ABCA6: variants seen among roughly 807,000 people sequenced by gnomAD.
ABCA6 encodes the protein ATP binding cassette subfamily A member 6.
Under a neutral mutation model 191.2 loss-of-function variants are expected in ABCA6, and 164 were observed. That is an observed-to-expected ratio of 0.86 (90% confidence interval 0.76 to 0.98). ABCA6 has a LOEUF of 0.98. Among genes scored for constraint, ABCA6 ranks in the 50% least tolerant of loss-of-function variants. ABCA6 has a pLI of 0.00. For missense variants in ABCA6, 1,958 were observed against 1,894.1 expected, an observed-to-expected ratio of 1.03 and a Z score of -0.63; for synonymous variants, 636 against 647.7, an observed-to-expected ratio of 0.98 and a Z score of 0.27.
In ABCA6 at chr17:69,085,085, T is replaced by TC; in HGVS notation, c.4126dup (p.Glu1376GlyfsTer29). 3 of 1,613,720 alleles carry TC rather than the reference T, an allele frequency of 1.9e-6. No homozygotes were observed. Among genetic ancestry groups the TC allele is most frequent in the Non-Finnish European group, 2.5e-6 (3 of 1,179,866 alleles). ...GAGCCCCTTGACGGCAGCATACACC[T>TC]CCAGGTGTTCCCTCAACGTCAGCAT... On this transcript the variant is annotated frameshift_variant, in exon 32 of 39. Transcript: ENST00000284425. LOFTEE classifies it high-confidence loss of function.
At chr17:69,108,933 A>G (rs530287436) in intron 17 of ABCA6, 3 of 152,226 alleles carry the variant, frequency 2.0e-5, no homozygotes, top group South Asian at 2.1e-4. Flanking sequence ...GTACCAACAT[A>G]TAATTCCTTA....
chr17:69,137,542 A>G, intron 2 of ABCA6, 42 bp from the exon 3 acceptor site: 5 of 1,567,054 alleles, frequency 3.2e-6, no homozygotes, highest in Non-Finnish European at 4.4e-6. Flanking sequence ...TTAAGGTTGC[A>G]TTCACTTAAA....
At chr17:69,116,406 T>C (rs1321927064) in intron 11 of ABCA6, among the ~76,000 whole-genome samples, 1 of 152,172 alleles carries the variant, frequency 6.6e-6, no homozygotes, top group East Asian at 1.9e-4. Flanking sequence ...TCATTATTAT[T>C]CATTATGTAT....
intron 12 of ABCA6, 57 bp downstream of exon 12, chr17:69,115,319 G>T: frequency 7.7e-7 from 1 of 1,297,204 alleles, no homozygotes; most frequent in Non-Finnish European, 1.1e-6. Context: ...AGAGGCATAT[G>T]CTTGACCTCA....
In ABCA6 at chr17:69,134,656, T is replaced by A. The variant is rs2073920421; in HGVS notation, c.547A>T (p.Asn183Tyr). The change falls in exon 5 of 39, where the codon AAT (asparagine) becomes TAT (tyrosine). Residue 183 changes from asparagine to tyrosine, a missense_variant. Asn to Tyr is a moderately radical substitution (Grantham distance 143). Transcript: ENST00000284425. ...GCACTTACTTCTATAATGGCAGTAT[T>A]AATAGCTGTTTGTAAAGCCACAAAT... is the stretch of plus-strand genomic sequence containing the variant. The part of the protein sequence containing the change: ...RGFVALQTAI[N>Y]TAIIEITTNH... 6.2e-7 allele frequency: 1 copy of A among 1,612,870 alleles called. No homozygotes were observed. Among genetic ancestry groups the A allele is most frequent in the Non-Finnish European group, 8.5e-7 (1 of 1,179,370 alleles).
rs771622524 is a variant in ABCA6, at chr17:69,133,709, A to G, written c.723T>C (p.Asn241=). The G allele has an allele frequency of 6.2e-7, 1 of 1,611,422 alleles. No individual in the cohort carries two copies. Among genetic ancestry groups the G allele is most frequent in the Admixed American group, 1.7e-5 (1 of 59,926 alleles). The change falls in exon 6 of 39, where the codon AAT becomes AAC. Residue 241 remains asparagine (N), a synonymous_variant. Coordinates refer to ENST00000284425, the MANE Select transcript of ABCA6 (RefSeq NM_080284.3). ...TAGACTTTTTTCTCTCTTTTGTTAC[A>G]TTGAGTGATATAAAATATACAAGTG... ...FSPLVYFISL[N]VTKERKKSKN...
chr17:69,096,922 TA>T (rs937508145), intron 23 of ABCA6, 121 bp from the exon 24 acceptor site: 83 of 827,970 alleles, frequency 1.0e-4, no homozygotes, highest in South Asian at 1.3e-4. Context: ...CTTCTAATAT[TA>T]AAAAAAATTA....
chr17:69,089,148 C>A (rs1158367279), intron 27 of ABCA6, among the ~76,000 whole-genome samples: 15 of 152,120 alleles, frequency 9.9e-5, no homozygotes, highest in Admixed American at 8.5e-4. Flanking sequence ...TCAGTTCTTG[C>A]CTTTTTAATC....
chr17:69,091,228 T>C lies in ABCA6; in HGVS notation c.3443A>G (p.Asn1148Ser). 6.2e-7 allele frequency: 1 copy of C among 1,611,902 alleles called. No homozygotes were observed. The highest frequency in any genetic ancestry group is 8.5e-7 in the Non-Finnish European group (1 of 1,179,450). Residue 1148 changes from asparagine (N) to serine (S), a missense_variant, in exon 26 of 39, where the codon AAT becomes AGT. Transcript: ENST00000284425. Reference protein sequence around the residue: ...STIMFSITLINHFDLSILITT... With the variant: ...STIMFSITLISHFDLSILITT... ...AATCAATATACTTAGGTCAAAATGA[T>C]TGATTAAAGTGATGGAAAACATGAT...
At position 69,133,757 on chromosome 17, in the gene ABCA6, T is replaced by C; in HGVS notation, c.675A>G (p.Leu225=). Residue 225 remains leucine, a synonymous_variant, in exon 6 of 39, where the codon TTA becomes TTG. Coordinates refer to ENST00000284425, the MANE Select transcript of ABCA6 (RefSeq NM_080284.3). ...GTGGGGAGAAATGAAGCAAGAAGAA[T>C]AAAATAAACATCTCATTGTGAAGAA... ...KNLLHNEMFI[L]FFLLHFSPLV... is the part of the protein sequence containing the mutation. 3.1e-6 allele frequency: 5 copies of C among 1,611,622 alleles called. No homozygotes were observed. The highest frequency in any genetic ancestry group is 4.2e-6 in the Non-Finnish European group (5 of 1,178,080).
At chr17:69,128,024 C>T (rs2073784722) in intron 8 of ABCA6, among the ~76,000 whole-genome samples, 1 of 152,010 alleles carries the variant, frequency 6.6e-6, no homozygotes, top group African/African-American at 2.4e-5. Context: ...CAACATCACT[C>T]CTATGAAGTT....
At chr17:69,134,604 C>A (rs747420828) in intron 5 of ABCA6, 35 bp downstream of exon 5, 2 of 1,484,168 alleles carry the variant, frequency 1.3e-6, no homozygotes, top group East Asian at 2.3e-5. Context: ...AAGTAGCTGA[C>A]ATTAATTAGT....
Position 69,136,224 on chromosome 17 carries a change from T to G in ABCA6, c.328A>C (p.Lys110Gln). The G allele has an allele frequency of 6.3e-7, 1 of 1,581,556 alleles. No individual in the cohort carries two copies. The highest frequency in any genetic ancestry group is 8.6e-7 in the Non-Finnish European group (1 of 1,164,092). Residue 110 changes from lysine to glutamine, a missense_variant, in exon 4 of 39, where the codon AAA becomes CAA. By Grantham distance (53) the Lys-to-Gln change is moderately conservative. Coordinates refer to ENST00000284425, the MANE Select transcript of ABCA6 (RefSeq NM_080284.3). Reference sequence around the variant, plus strand: ...AGAAGTATTTCGTCCATGTGTGTTTTATTTGGTGCCCCAATGACACTTGTT... The same window carrying G: ...AGAAGTATTTCGTCCATGTGTGTTTGATTTGGTGCCCCAATGACACTTGTT... The part of the protein sequence containing the change: ...KGTSVIGAPN[K>Q]THMDEILLEN...
intron 13 of ABCA6, among the ~76,000 whole-genome samples, chr17:69,114,299 C>A (rs936549952): frequency 2.0e-5 from 3 of 150,980 alleles, no homozygotes; most frequent in Admixed American, 2.0e-4. Context: ...TCATTCTCAG[C>A]AAACTATCGC....
intron 13 of ABCA6, among the ~76,000 whole-genome samples, chr17:69,114,011 C>A (rs1459961356): frequency 6.6e-6 from 1 of 152,106 alleles, no homozygotes; most frequent in African/African-American, 2.4e-5. Context: ...TGTGGCAACT[C>A]CTCAGGGATC....
At chr17:69,104,802 C>G (rs1263873421) in intron 20 of ABCA6, 1 of 149,400 alleles carries the variant, frequency 6.7e-6, no homozygotes, top group African/African-American at 2.5e-5. Context: ...AACCCCATCT[C>G]TACTAAAAAT....
At position 69,128,705 on chromosome 17, in the gene ABCA6, T is replaced by C. The variant is rs1398920141; in HGVS notation, c.1033A>G (p.Thr345Ala). 6.2e-7 allele frequency: 1 copy of C among 1,613,224 alleles called. No individual in the cohort carries two copies. The highest frequency in any genetic ancestry group is 1.1e-5 in the South Asian group (1 of 90,956). ...GAAGGAAGTTGTTCATAAAATACAGTGAATCCCAGACATCCCCAAAAGAGG... is the reference window on the plus strand; with the variant it reads ...GAAGGAAGTTGTTCATAAAATACAGCGAATCCCAGACATCCCCAAAAGAGG... The part of the protein sequence containing the change: ...LTLFWGCLGF[T>A]VFYEQLPSSL... The change falls in exon 8 of 39, where the codon ACT becomes GCT. Residue 345 changes from threonine (T) to alanine (A), a missense_variant. Transcript: ENST00000284425.
Position 69,115,410 on chromosome 17 carries a change from T to C in ABCA6, c.1572A>G (p.Leu524=). Residue 524 remains leucine, a synonymous_variant, in exon 12 of 39, where the codon CTA becomes CTG. Coordinates refer to ENST00000284425, the MANE Select transcript of ABCA6 (RefSeq NM_080284.3). Reference sequence around the variant, plus strand: ...GAACAGACAATCCATTAAGAATATTTAGCAGTGAAGATTTGCCAGCTCCAC... The same window carrying C: ...GAACAGACAATCCATTAAGAATATTCAGCAGTGAAGATTTGCCAGCTCCAC... ...GHSGAGKSSL[L]NILNGLSVPT... The C allele has an allele frequency of 6.2e-7, 1 of 1,611,774 alleles. No individual in the cohort carries two copies. The highest frequency in any genetic ancestry group is 2.2e-5 in the East Asian group (1 of 44,792).
chr17:69,100,177 G>C (rs1275020822), intron 22 of ABCA6, among the ~76,000 whole-genome samples: 1 of 152,178 alleles, frequency 6.6e-6, no homozygotes, highest in Admixed American at 6.5e-5. Flanking sequence ...AGCAGAAGGA[G>C]GTGATGTGAC....
Sources: allele counts gnomAD v4.1 joint callset (sites outside exome capture counted in the v4.1 genomes callset), GRCh38; gene constraint gnomAD v4.1.1; transcripts MANE v1.5; gene names NCBI Gene and HGNC (gene_info 2026-07-23, HGNC 2026-07-21).